FOXK1: variants seen among roughly 807,000 people sequenced by gnomAD.
The protein encoded by FOXK1 is forkhead box K1.
Under a neutral mutation model 51.9 loss-of-function variants are expected in FOXK1, and 19 were observed. That is an observed-to-expected ratio of 0.37 (90% CI 0.26 to 0.54). The LOEUF is 0.54. FOXK1 is among the 20% of genes least tolerant of loss of function. FOXK1 has a pLI of 0.87. For synonymous variants in FOXK1, 537 were observed against 482.6 expected (o/e 1.11, Z -1.48); for missense variants, 870 against 1,032.7 (o/e 0.84, Z 2.16).
Position 4,703,660 on chromosome 7 carries a change from C to T in FOXK1, c.560+20792C>T, listed in dbSNP as rs1323510996. Among the ~76,000 whole-genome samples the T allele has an allele frequency of 6.6e-6, 1 of 152,004 alleles. No homozygotes were observed. The highest frequency in any genetic ancestry group is 1.5e-5 in the Non-Finnish European group (1 of 68,002). ...GCTTGAATATTAAAACCAAATGATC[C>T]CGGGTAGAGCTGCAGCTGGGGACTG... On this transcript the variant is annotated intron_variant, in intron 1 of 8. Coordinates refer to ENST00000328914, the MANE Select transcript of FOXK1 (RefSeq NM_001037165.2). This position sits in a 1 kb window ranked among gnomAD's most constrained non-coding sequence, Gnocchi z 5.6.
intron 1 of FOXK1, among the ~76,000 whole-genome samples, chr7:4,692,469 C>T (rs1333756864): frequency 2.0e-5 from 3 of 152,214 alleles, no homozygotes; most frequent in Non-Finnish European, 4.4e-5. Context: ...GATCTCAGCT[C>T]ACTGCAACAT....
At position 4,685,399 on chromosome 7, in the gene FOXK1, A is replaced by G. The variant is rs149557279; in HGVS notation, c.560+2531A>G. ...CCAGCTAATTCTTTGTATTTTTAGT[A>G]GAGATGGGGTTTCACCGTGTTAGCC... On this transcript the variant is annotated intron_variant, in intron 1 of 8. Coordinates refer to ENST00000328914, the MANE Select transcript of FOXK1 (RefSeq NM_001037165.2). 4.0e-3 allele frequency among the ~76,000 whole-genome samples: 612 copies of G among 151,852 alleles called. 7 individuals are homozygous for G. The highest frequency in any genetic ancestry group is 0.014 in the African/African-American group (584 of 41,430).
rs1780964585 is a variant in FOXK1 at position 4,763,378 on chromosome 7, C to G, written c.*914C>G. 1 of 152,332 alleles carries G rather than the reference C, an allele frequency of 6.6e-6. No homozygotes were observed. The highest frequency in any genetic ancestry group is 2.1e-4 in the South Asian group (1 of 4,836). The allele number at this position is 152,332 out of a possible 1,614,324, so 9.4% of individuals were successfully genotyped here. On this transcript the variant is annotated 3_prime_UTR_variant, in exon 9 of 9. Coordinates refer to ENST00000328914, the MANE Select transcript of FOXK1 (RefSeq NM_001037165.2). ...CCGAATTATCCGTGGCTCCGATGTC[C>G]CGGTGCTGACGGCCACATGGGGACC...
In FOXK1 at chr7:4,759,610, G is replaced by A. The variant is rs757334416; in HGVS notation, c.1696+15G>A. ...CGAGGCCAGAGGTAATGCAGCCGCG[G>A]CTGGCAGCCTTCGCAGGACCCTTTG... On this transcript the variant is annotated intron_variant, in intron 7 of 8. Coordinates refer to ENST00000328914, the MANE Select transcript of FOXK1 (RefSeq NM_001037165.2). 1 of 1,530,562 alleles carries A rather than the reference G, an allele frequency of 6.5e-7. No homozygotes were observed. The highest frequency in any genetic ancestry group is 1.7e-4 in the Middle Eastern group (1 of 5,948). 94.8% of individuals were successfully genotyped at this position (1,530,562 alleles called of 1,614,324 possible). A position where few individuals can be genotyped will look rare whatever the true frequency, so the allele number is the denominator to read the frequency against.
chr7:4,706,491 G>T (rs1780104185), intron 1 of FOXK1, among the ~76,000 whole-genome samples: 1 of 152,062 alleles, frequency 6.6e-6, no homozygotes, highest in Non-Finnish European at 1.5e-5. Context: ...CTGACAGTTG[G>T]GGGCCCATCG....
rs59410473 is a variant in FOXK1, at chr7:4,706,016, ATATATACGTG to A, written c.560+23175_560+23184del. 1.3e-4 allele frequency among the ~76,000 whole-genome samples: 10 copies of A among 77,364 alleles called. 1 individual carries two copies. The highest frequency in any genetic ancestry group is 5.3e-4 in the Admixed American group (4 of 7,570). The allele number at this position is 77,364 out of a possible 152,430, so 50.8% of individuals were successfully genotyped here. The stretch of plus-strand genomic sequence containing the variant: ...TACGTATATATACGTATATATACGT[ATATATACGTG>A]TATATACGTGTATATACGTGTATAT... On this transcript the variant is annotated intron_variant, in intron 1 of 8. Transcript: ENST00000328914.
intron 1 of FOXK1, among the ~76,000 whole-genome samples, chr7:4,686,065 C>G (rs1779814180): frequency 2.0e-5 from 3 of 152,120 alleles, no homozygotes; most frequent in Non-Finnish European, 4.4e-5. Context: ...TTTTTGTCAC[C>G]CTGAATGGGA....
rs1272334439 is a variant in FOXK1 at position 4,723,506 on chromosome 7, C to G, written c.561-17332C>G. Among the ~76,000 whole-genome samples the G allele has an allele frequency of 6.6e-6, 1 of 152,028 alleles. No homozygotes were observed. Among genetic ancestry groups the G allele is most frequent in the Non-Finnish European group, 1.5e-5 (1 of 68,006 alleles). On this transcript the variant is annotated intron_variant, in intron 1 of 8. Coordinates refer to ENST00000328914, the MANE Select transcript of FOXK1 (RefSeq NM_001037165.2). This position sits in a 1 kb window ranked among gnomAD's most constrained non-coding sequence, Gnocchi z 4.7. ...AGACTAAAAATAGCAAATGCAGCCC[C>G]GAGCCTTCCTGTTGCCTCTAGGGCC...
At chr7:4,716,781 C>T (rs1296204783) in intron 1 of FOXK1, among the ~76,000 whole-genome samples, 1 of 152,218 alleles carries the variant, frequency 6.6e-6, no homozygotes, top group Non-Finnish European at 1.5e-5. Flanking sequence ...TTGGAGCTGG[C>T]TTACATAGGC....
At chr7:4,738,256 G>T (rs1157603400) in intron 1 of FOXK1, among the ~76,000 whole-genome samples, 1 of 151,584 alleles carries the variant, frequency 6.6e-6, no homozygotes, top group African/African-American at 2.4e-5. Context: ...GGCCAACATG[G>T]TGAAACCCCA....
rs28408732 is a variant in FOXK1, at chr7:4,754,805, C to T, written c.903+190C>T. 12,573 of 736,556 alleles carry T rather than the reference C, an allele frequency of 0.017. 1,135 individuals carry two copies. In the African/African-American group the frequency reaches 0.2, roughly 12 times the overall value. 45.6% of individuals were successfully genotyped at this position (736,556 alleles called of 1,614,324 possible). A position where few individuals can be genotyped will look rare whatever the true frequency, so the allele number is the denominator to read the frequency against. Reference sequence around the variant, plus strand: ...CTCGTTTTCGTGCCCAAATCATCCCCGTTGGTCATTTGCTGGTGACAGGGG... The same window carrying T: ...CTCGTTTTCGTGCCCAAATCATCCCTGTTGGTCATTTGCTGGTGACAGGGG... On this transcript the variant is annotated intron_variant, in intron 3 of 8. Coordinates refer to ENST00000328914, the MANE Select transcript of FOXK1 (RefSeq NM_001037165.2).
At chr7:4,757,634 C>CA (rs59200954) in intron 5 of FOXK1, among the ~76,000 whole-genome samples, 1,469 of 20,150 alleles carry the variant, frequency 0.073, 240 homozygotes, top group Non-Finnish European at 0.17. Flanking sequence ...AACTCCGTCT[C>CA]AAAAAAAAAA....
rs1478431575 is a variant in FOXK1, at chr7:4,723,615, G to A, written c.561-17223G>A. ...CAATCGCCACGGCACAGGACCGAGC[G>A]TGGAGAGTTGCAGCAGTGCAGGAAG... On this transcript the variant is annotated intron_variant, in intron 1 of 8. Transcript: ENST00000328914. The surrounding 1 kb of genome is among the most constrained non-coding windows in gnomAD (Gnocchi z 4.7). Among the ~76,000 whole-genome samples the A allele has an allele frequency of 6.6e-6, 1 of 152,148 alleles. No homozygotes were observed. Among genetic ancestry groups the A allele is most frequent in the Non-Finnish European group, 1.5e-5 (1 of 68,020 alleles).
rs1376394111 is a variant in FOXK1 at position 4,762,425 on chromosome 7, C to T, written c.2163C>T (p.Ile721=). 4.5e-6 allele frequency: 7 copies of T among 1,548,056 alleles called. No homozygotes were observed. Among genetic ancestry groups the T allele is most frequent in the South Asian group, 2.4e-5 (2 of 84,018 alleles). ...CTGTAACCACACCGGCTGGAGTGAT[C>T]GCAGCTGCCGGCCCCCAGGGGCCAG... The part of the protein sequence containing the change: ...SGAVTTPAGV[I]AAAGPQGPGT... Residue 721 remains isoleucine (I), a synonymous_variant, in exon 9 of 9, where the codon ATC becomes ATT. Transcript: ENST00000328914. This position sits in a 1 kb window ranked among gnomAD's most constrained non-coding sequence, Gnocchi z 5.7.
Position 4,759,459 on chromosome 7 carries a change from C to A in FOXK1, c.1560C>A (p.Pro520=). The A allele has an allele frequency of 6.3e-7, 1 of 1,591,458 alleles. No individual in the cohort carries two copies. Among genetic ancestry groups the A allele is most frequent in the Non-Finnish European group, 8.5e-7 (1 of 1,173,688 alleles). ...GHAIHVVQQA[P]TVTMVRVVTT... ...CCATCCACGTCGTGCAGCAGGCCCC[C>A]ACCGTCACCATGGTCAGGGTGGTCA... is the stretch of plus-strand genomic sequence containing the variant. The change falls in exon 7 of 9, where the codon CCC becomes CCA. Residue 520 remains proline (P), a synonymous_variant. Transcript: ENST00000328914.
At position 4,759,226 on chromosome 7, in the gene FOXK1, C is replaced by G. The variant is rs527250909; in HGVS notation, c.1411+9C>G. On this transcript the variant is annotated intron_variant, in intron 6 of 8. Transcript: ENST00000328914. Reference sequence around the variant, plus strand: ...TTCCCAAAGCGCACCCGGTAAGGAGCGGGCGGCCCTCTTGCGGGGCGGGGC... The same window carrying G: ...TTCCCAAAGCGCACCCGGTAAGGAGGGGGCGGCCCTCTTGCGGGGCGGGGC... 3.7e-6 allele frequency: 5 copies of G among 1,337,900 alleles called. No individual in the cohort carries two copies. Among genetic ancestry groups the G allele is most frequent in the East Asian group, 6.6e-5 (2 of 30,316 alleles). 82.9% of individuals were successfully genotyped at this position (1,337,900 alleles called of 1,614,324 possible).
intron 1 of FOXK1, among the ~76,000 whole-genome samples, chr7:4,690,642 G>T (rs1022018642): frequency 1.5e-4 from 23 of 152,240 alleles, no homozygotes; most frequent in African/African-American, 4.8e-4. Context: ...TAGAATATTT[G>T]CATGAAAGCC....
In FOXK1 at chr7:4,770,123, T is replaced by C. The variant is rs1251916616; in HGVS notation, c.*7659T>C. ...GAATTAGAGTTTTTGTTTGTTTGTT[T>C]GTTCTCTGCATGAAGTTCACAGGCC... On this transcript the variant is annotated 3_prime_UTR_variant, in exon 9 of 9. Coordinates refer to ENST00000328914, the MANE Select transcript of FOXK1 (RefSeq NM_001037165.2). 6.6e-6 allele frequency: 1 copy of C among 152,224 alleles called. No individual in the cohort carries two copies. The highest frequency in any genetic ancestry group is 1.5e-5 in the Non-Finnish European group (1 of 68,070). The allele number at this position is 152,224 out of a possible 1,614,324, so 9.4% of individuals were successfully genotyped here.
At chr7:4,701,346 ACT>A (rs1397628547) in intron 1 of FOXK1, among the ~76,000 whole-genome samples, 1 of 152,220 alleles carries the variant, frequency 6.6e-6, no homozygotes, top group African/African-American at 2.4e-5. Context: ...TAGGGAGGAC[ACT>A]GAGATAAGAA....
Sources: allele counts gnomAD v4.1 joint callset (sites outside exome capture counted in the v4.1 genomes callset), GRCh38; gene constraint gnomAD v4.1.1; non-coding constraint Gnocchi (gnomAD v3.1); transcripts MANE v1.5; gene names NCBI Gene and HGNC (gene_info 2026-07-23, HGNC 2026-07-21).